RGL1: variants seen among roughly 807,000 people sequenced by gnomAD.
RGL1 encodes ral guanine nucleotide dissociation stimulator-like 1.
Under a neutral mutation model 95.2 loss-of-function variants are expected in RGL1, and 24 were observed. That is an observed-to-expected ratio of 0.25 (90% CI 0.18 to 0.35). The LOEUF (loss-of-function observed/expected upper bound fraction) is 0.35, where lower values mean the gene tolerates loss of function less well. RGL1 is among the 10% of genes least tolerant of loss of function. The pLI is 1.00. For missense variants in RGL1, 715 were observed against 936.3 expected, an observed-to-expected ratio of 0.76 and a Z score of 3.08; for synonymous variants, 329 against 344.9, an observed-to-expected ratio of 0.95 and a Z score of 0.51.
At chr1:183,854,988 A>G (rs79408548) in intron 3 of RGL1, among the ~76,000 whole-genome samples, 10,280 of 152,106 alleles carry the variant, frequency 0.068, 384 homozygotes, top group South Asian at 0.092. Context: ...AAATTACCTT[A>G]TTTATCTTGC....
At chr1:183,848,129 T>C (rs1162845745) in intron 3 of RGL1, among the ~76,000 whole-genome samples, 1 of 152,222 alleles carries the variant, frequency 6.6e-6, no homozygotes, top group Non-Finnish European at 1.5e-5. Flanking sequence ...ACTGGGATGT[T>C]GTGGGGATGA....
intron 1 of RGL1, among the ~76,000 whole-genome samples, chr1:183,686,194 CTTTCTT>C (rs1221765008): frequency 6.6e-6 from 1 of 152,058 alleles, no homozygotes. Context: ...TTTTGTGTCA[CTTTCTT>C]TTTCAAATTA....
chr1:183,725,338 G>A (rs921962983), intron 1 of RGL1, among the ~76,000 whole-genome samples: 18 of 152,134 alleles, frequency 1.2e-4, no homozygotes, highest in Non-Finnish European at 2.5e-4. Flanking sequence ...TTTAATTGAC[G>A]GTTCTGCATG....
At chr1:183,721,273 T>G (rs1278342198) in intron 1 of RGL1, among the ~76,000 whole-genome samples, 2 of 152,238 alleles carry the variant, frequency 1.3e-5, no homozygotes, top group Non-Finnish European at 2.9e-5. Flanking sequence ...GTTTCCTCTG[T>G]CTCTACCTGA....
At chr1:183,729,155 A>G (rs1234070463) in intron 1 of RGL1, among the ~76,000 whole-genome samples, 1 of 150,264 alleles carries the variant, frequency 6.7e-6, no homozygotes, top group Admixed American at 6.7e-5. Context: ...TGCAAATGCA[A>G]AGGTAGACCT....
intron 16 of RGL1, among the ~76,000 whole-genome samples, chr1:183,920,140 T>C (rs1669231039): frequency 6.6e-6 from 1 of 152,016 alleles, no homozygotes; most frequent in African/African-American, 2.4e-5. Context: ...GTTCAAGCGG[T>C]TCTCCTGCCT....
intron 2 of RGL1, chr1:183,754,335 G>T (rs993739244): frequency 2.6e-5 from 4 of 152,128 alleles, no homozygotes; most frequent in African/African-American, 9.7e-5. Context: ...TTTGTATATT[G>T]TTCCCTACTT....
In RGL1 at chr1:183,883,799, C is replaced by T. The variant is rs375027715; in HGVS notation, c.624C>T (p.Asn208=). The T allele has an allele frequency of 6.2e-7, 1 of 1,613,948 alleles. No individual in the cohort carries two copies. The highest frequency in any genetic ancestry group is 1.3e-5 in the African/African-American group (1 of 74,938). The change falls in exon 6 of 18, where the codon AAC becomes AAT. Residue 208 remains asparagine (N), a synonymous_variant. Coordinates refer to ENST00000360851, the MANE Select transcript of RGL1 (RefSeq NM_001297671.3). ...ATATGTGAACAGATGGGCTTCCCAA[C>T]ACGATCTCCTTCAGCCTGGAAGAGG... ...QEVETDNGLP[N]TISFSLEEEE...
intron 1 of RGL1, among the ~76,000 whole-genome samples, chr1:183,806,072 C>A (rs1440950116): frequency 4.3e-5 from 5 of 115,522 alleles, no homozygotes; most frequent in Admixed American, 2.2e-4. Context: ...AATCTAGTTT[C>A]TTTGTAAAGA....
chr1:183,907,084 GGT>G lies in RGL1; in HGVS notation c.1547_1548del (p.Val516GlufsTer11). On this transcript the variant is annotated frameshift_variant, in exon 14 of 18. Transcript: ENST00000360851. LOFTEE classifies it high-confidence loss of function. ...TTSPKPRKSM[V>X]KRLSLLFLGS... Reference sequence around the variant, plus strand: ...CCTCGCCCAAGCCTCGGAAGAGCATGGTGAAGAGACTCAGCCTGTGAGTGTCC... The same window carrying G: ...CCTCGCCCAAGCCTCGGAAGAGCATGGAAGAGACTCAGCCTGTGAGTGTCC... 1 of 1,609,322 alleles carries G rather than the reference GGT, an allele frequency of 6.2e-7. No homozygotes were observed. The highest frequency in any genetic ancestry group is 8.5e-7 in the Non-Finnish European group (1 of 1,176,682).
intron 4 of RGL1, among the ~76,000 whole-genome samples, chr1:183,878,146 T>A (rs1558266325): frequency 1.0e-5 from 1 of 97,276 alleles, no homozygotes; most frequent in Non-Finnish European, 2.2e-5. Context: ...CATGTTGATT[T>A]TCTTTCTATC....
chr1:183,801,046 A>ACCT (rs57495180), upstream of RGL1, among the ~76,000 whole-genome samples: 121,313 of 151,678 alleles, frequency 0.8, 48,766 homozygotes, highest in East Asian at 0.99. Context: ...TTTTTGAGGA[A>ACCT]CCATACTGTT....
intron 3 of RGL1, among the ~76,000 whole-genome samples, chr1:183,864,674 T>TG (rs1465236842): frequency 6.6e-6 from 1 of 152,162 alleles, no homozygotes; most frequent in Non-Finnish European, 1.5e-5. Context: ...AAATAGCAGG[T>TG]GCAGGACAGA....
At chr1:183,870,130 TGGGTGCA>T (rs1334332457) in intron 4 of RGL1, among the ~76,000 whole-genome samples, 1 of 152,190 alleles carries the variant, frequency 6.6e-6, no homozygotes, top group East Asian at 1.9e-4. Context: ...AATGAGTGCC[TGGGTGCA>T]GGCGGGCTGA....
At chr1:183,785,578 C>G (rs1660116606) in intron 2 of RGL1, among the ~76,000 whole-genome samples, 1 of 152,142 alleles carries the variant, frequency 6.6e-6, no homozygotes, top group African/African-American at 2.4e-5. Context: ...ATCTTTATGT[C>G]ATGTCCAGCA....
At position 183,648,847 on chromosome 1, in the gene RGL1, G is replaced by A. The variant is rs192632617; in HGVS notation, c.-33+12346G>A. The A allele has an allele frequency of 1.0e-3, 1,408 of 1,343,544 alleles. 10 individuals are homozygous for A. The African/African-American group carries it at 0.017, about 17-fold the overall frequency. The allele number at this position is 1,343,544 out of a possible 1,614,324, so 83.2% of individuals were successfully genotyped here. A position where few individuals can be genotyped will look rare whatever the true frequency, so the allele number is the denominator to read the frequency against. ...AAGAGAAATTACATATAAAACCAGC[G>A]CAGGAAAAACTGAAGACAGTGCATT... On this transcript the variant is annotated intron_variant, in intron 1 of 18. Transcript: ENST00000304685.
intron 2 of RGL1, among the ~76,000 whole-genome samples, chr1:183,830,684 G>GA (rs35154519): frequency 0.88 from 132,747 of 150,514 alleles, 58,520 homozygotes; most frequent in East Asian, 0.95. Context: ...GAATTCTGGA[G>GA]AAAAAAAAAC....
intron 1 of RGL1, chr1:183,648,309 T>A (rs779211891): frequency 8.4e-5 from 136 of 1,614,040 alleles, no homozygotes; most frequent in Non-Finnish European, 1.1e-4. Flanking sequence ...CTCAGTATGA[T>A]AGAGCTGAGA....
intron 9 of RGL1, 81 bp from the exon 10 acceptor site, chr1:183,897,727 G>A (rs1667784315): frequency 3.0e-6 from 3 of 1,012,076 alleles, no homozygotes; most frequent in South Asian, 2.8e-5. Context: ...AGGGTTGTGT[G>A]CGAGAAACTA....
Sources: allele counts gnomAD v4.1 joint callset (sites outside exome capture counted in the v4.1 genomes callset), GRCh38; gene constraint gnomAD v4.1.1; transcripts MANE v1.5; gene names NCBI Gene and HGNC (gene_info 2026-07-23, HGNC 2026-07-21).